Variants in CNTNAP3B observed in about 807,000 individuals in gnomAD.
The protein encoded by CNTNAP3B is contactin-associated protein-like 3B.
Under a neutral mutation model 108.9 loss-of-function variants are expected in CNTNAP3B, and 25 were observed. The ratio of observed to expected loss-of-function variants is 0.23; its 90% CI spans 0.17 to 0.32. The LOEUF (loss-of-function observed/expected upper bound fraction) is 0.32, where lower values mean the gene tolerates loss of function less well. CNTNAP3B is among the 10% of genes least tolerant of loss of function. The pLI, the probability that CNTNAP3B is intolerant of heterozygous loss-of-function variation, is 1.00. For synonymous variants in CNTNAP3B, 103 were observed against 473.4 expected (o/e 0.22, Z 10.16); for missense variants, 252 against 1,210.4 (o/e 0.21, Z 11.75).
At chr9:41,933,176 G>A (rs1347329317) in intron 14 of CNTNAP3B, among the ~76,000 whole-genome samples, 3 of 152,234 alleles carry the variant, frequency 2.0e-5, no homozygotes, top group South Asian at 2.1e-4. Context: ...TTAAAAGAGG[G>A]TATCTCAACA....
chr9:41,967,228 C>G (rs1236669827), intron 10 of CNTNAP3B, among the ~76,000 whole-genome samples: 1 of 152,100 alleles, frequency 6.6e-6, no homozygotes, highest in Non-Finnish European at 1.5e-5. Flanking sequence ...ATAATTCCCA[C>G]TGTGTCATGG....
At chr9:41,930,319 G>T (rs1823940874) in intron 14 of CNTNAP3B, among the ~76,000 whole-genome samples, 1 of 152,282 alleles carries the variant, frequency 6.6e-6, no homozygotes, top group South Asian at 2.1e-4. Flanking sequence ...GGGGTGGGCA[G>T]ATTGCTTGAG....
chr9:42,024,133 TCACAG>T (rs1292561318), intron 3 of CNTNAP3B, among the ~76,000 whole-genome samples: 112 of 133,046 alleles, frequency 8.4e-4, no homozygotes, highest in African/African-American at 3.2e-3. Flanking sequence ...CCTTCCTTTT[TCACAG>T]GTAATGTAGA....
At chr9:42,024,725 A>C (rs1564176482) in intron 3 of CNTNAP3B, among the ~76,000 whole-genome samples, 1 of 136,134 alleles carries the variant, frequency 7.3e-6, no homozygotes, top group Non-Finnish European at 1.6e-5. Flanking sequence ...GAAAAGAAAC[A>C]GACATATAAA....
At chr9:41,958,046 G>A (rs1332632075) in intron 12 of CNTNAP3B, among the ~76,000 whole-genome samples, 1 of 152,294 alleles carries the variant, frequency 6.6e-6, no homozygotes, top group Non-Finnish European at 1.5e-5. Context: ...ACAGGCGTGA[G>A]CCACCGTCTG....
chr9:42,124,542 G>A (rs1345806190), intron 1 of CNTNAP3B, among the ~76,000 whole-genome samples: 2 of 127,608 alleles, frequency 1.6e-5, no homozygotes, highest in East Asian at 2.4e-4. Flanking sequence ...GACTTGACAT[G>A]TGCACAGTCA....
intron 12 of CNTNAP3B, among the ~76,000 whole-genome samples, chr9:41,954,251 A>G (rs1390240546): frequency 6.6e-6 from 1 of 152,278 alleles, no homozygotes; most frequent in African/African-American, 2.4e-5. Context: ...TTTTTTAAGA[A>G]CTACGAAACA....
At chr9:42,046,411 AAGATGTAT>A (rs1826877137) in intron 3 of CNTNAP3B, among the ~76,000 whole-genome samples, 1 of 116,356 alleles carries the variant, frequency 8.6e-6, no homozygotes, top group Non-Finnish European at 1.8e-5. Flanking sequence ...TATCTGAGGG[AAGATGTAT>A]AGATATCAGT....
intron 3 of CNTNAP3B, among the ~76,000 whole-genome samples, chr9:42,063,805 TC>T: frequency 6.8e-6 from 1 of 147,332 alleles, no homozygotes; most frequent in Middle Eastern, 3.4e-3. Context: ...CACTGCAACC[TC>T]AAACTCCTGG....
rs558095468 is a variant in CNTNAP3B at position 42,118,375 on chromosome 9, C to T, written c.85+10635G>A. Among the ~76,000 whole-genome samples the T allele has an allele frequency of 1.3e-4, 18 of 139,532 alleles. 2 individuals are homozygous for T. In the South Asian group the frequency reaches 2.8e-3, roughly 21 times the overall value. 91.5% of individuals were successfully genotyped at this position (139,532 alleles called of 152,430 possible). A position where few individuals can be genotyped will look rare whatever the true frequency, so the allele number is the denominator to read the frequency against. On this transcript the variant is annotated intron_variant, in intron 1 of 23. Coordinates refer to ENST00000377561, the MANE Select transcript of CNTNAP3B (RefSeq NM_001201380.3). ...TGGGACGCAAGGCTGGTTCAACATA[C>T]GAAAATCAATAAATGTAATCCAGCA...
At chr9:41,948,012 G>C (rs1472570016) in intron 13 of CNTNAP3B, among the ~76,000 whole-genome samples, 1 of 119,882 alleles carries the variant, frequency 8.3e-6, no homozygotes, top group Non-Finnish European at 1.7e-5. Context: ...TAAGAAAATT[G>C]AATTCATAAT....
chr9:41,948,483 C>T (rs1469579668), intron 13 of CNTNAP3B, among the ~76,000 whole-genome samples: 25 of 148,080 alleles, frequency 1.7e-4, no homozygotes, highest in African/African-American at 5.9e-4. Flanking sequence ...CTACCAAATT[C>T]ATTTTATGTA....
At chr9:41,931,554 T>C (rs1823977939) in intron 14 of CNTNAP3B, among the ~76,000 whole-genome samples, 1 of 152,034 alleles carries the variant, frequency 6.6e-6, no homozygotes, top group South Asian at 2.1e-4. Flanking sequence ...ATACACTTAA[T>C]GGTAAAGAAA....
chr9:41,940,982 A>G (rs1486991143), intron 13 of CNTNAP3B, among the ~76,000 whole-genome samples: 4 of 152,214 alleles, frequency 2.6e-5, no homozygotes, highest in African/African-American at 9.7e-5. Flanking sequence ...AGAAATATGG[A>G]TAAATATAAT....
chr9:42,113,724 A>AT (rs1432908114), intron 1 of CNTNAP3B, among the ~76,000 whole-genome samples: 1 of 139,796 alleles, frequency 7.2e-6, no homozygotes, highest in African/African-American at 2.8e-5. Context: ...AACACCTAGT[A>AT]TTTGATAACA....
chr9:41,956,176 G>A (rs1416408455), intron 12 of CNTNAP3B, among the ~76,000 whole-genome samples: 22 of 152,164 alleles, frequency 1.4e-4, no homozygotes, highest in Admixed American at 9.2e-4. Context: ...TACGAGGTCA[G>A]GAGATCGAGA....
intron 1 of CNTNAP3B, among the ~76,000 whole-genome samples, chr9:42,120,409 G>A (rs1278046757): frequency 7.2e-6 from 1 of 138,744 alleles, no homozygotes; most frequent in Non-Finnish European, 1.5e-5. Flanking sequence ...GTGGAAGTCA[G>A]TGTGGCAATT....
chr9:41,973,220 T>C (rs1452491760), intron 9 of CNTNAP3B, among the ~76,000 whole-genome samples: 2 of 145,358 alleles, frequency 1.4e-5, no homozygotes, highest in South Asian at 2.3e-4. Flanking sequence ...ATGCTGGGAT[T>C]ACAGGCATAA....
rs1235233197 is a variant in CNTNAP3B at position 42,073,152 on chromosome 9, C to CA, written c.390+3716dup. 1.7e-4 allele frequency among the ~76,000 whole-genome samples: 19 copies of CA among 112,258 alleles called. 3 individuals are homozygous for CA. Among genetic ancestry groups the CA allele is most frequent in the South Asian group, 3.3e-4 (1 of 3,074 alleles). 73.6% of individuals were successfully genotyped at this position (112,258 alleles called of 152,430 possible). A position where few individuals can be genotyped will look rare whatever the true frequency, so the allele number is the denominator to read the frequency against. ...GCATAGGTAATGGGTAAAACCAGAC[C>CA]AAAAAAAACAAAGCCATAAAACGAC... On this transcript the variant is annotated intron_variant, in intron 3 of 23. Transcript: ENST00000377561.
Sources: allele counts gnomAD v4.1 joint callset (sites outside exome capture counted in the v4.1 genomes callset), GRCh38; gene constraint gnomAD v4.1.1; transcripts MANE v1.5; gene names NCBI Gene and HGNC (gene_info 2026-07-23, HGNC 2026-07-21).